Variants in SGPP2 observed in about 807,000 individuals in gnomAD.
SGPP2 encodes the protein sphingosine-1-phosphate phosphatase 2.
SGPP2 carries 30 observed loss-of-function variants against 33.9 expected under a neutral mutation model. That is an observed-to-expected ratio of 0.89 (90% CI 0.66 to 1.20). The LOEUF is 1.20. SGPP2 is among the 50% of genes most tolerant of loss of function. SGPP2 has a pLI of 0.00. For missense variants in SGPP2, 458 were observed against 532.1 expected, an observed-to-expected ratio of 0.86 and a Z score of 1.37; for synonymous variants, 233 against 225.0, an observed-to-expected ratio of 1.04 and a Z score of -0.32.
chr2:222,447,322 G>A (rs1247291780), intron 1 of SGPP2, among the ~76,000 whole-genome samples: 5 of 152,214 alleles, frequency 3.3e-5, no homozygotes. Context: ...AAATGAGGTT[G>A]GGAAAGAAGG....
intron 1 of SGPP2, among the ~76,000 whole-genome samples, chr2:222,459,319 A>G (rs116463064): frequency 0.011 from 1,707 of 150,998 alleles, 40 homozygotes; most frequent in African/African-American, 0.039. Flanking sequence ...GCTAATTTTT[A>G]TATTTTTTGT....
At chr2:222,520,307 A>G (rs1305238698) in intron 2 of SGPP2, among the ~76,000 whole-genome samples, 1 of 152,102 alleles carries the variant, frequency 6.6e-6, no homozygotes, top group Non-Finnish European at 1.5e-5. Context: ...TTCAGTAGAT[A>G]TGAACGCTGG....
rs1697637056 is a variant in SGPP2 at position 222,460,135 on chromosome 2, A to G, written c.220-14433A>G. Among the ~76,000 whole-genome samples, 1 of 152,172 alleles carries G rather than the reference A, an allele frequency of 6.6e-6. No homozygotes were observed. Among genetic ancestry groups the G allele is most frequent in the Non-Finnish European group, 1.5e-5 (1 of 68,046 alleles). On this transcript the variant is annotated intron_variant, in intron 1 of 4. Transcript: ENST00000321276. The surrounding 1 kb of genome is among the most constrained non-coding windows in gnomAD (Gnocchi z 4.3). ...GGGTGGGCATTGCACAGCCTGTGGC[A>G]TTCAGTTGCCATCCACAGAAGAAGG...
At chr2:222,456,714 T>C (rs1429793449) in intron 1 of SGPP2, among the ~76,000 whole-genome samples, 5 of 152,306 alleles carry the variant, frequency 3.3e-5, no homozygotes, top group African/African-American at 9.6e-5. Context: ...GGAGTTAACC[T>C]GGTTGTCAAC....
intron 2 of SGPP2, among the ~76,000 whole-genome samples, chr2:222,490,597 C>G (rs1187787923): frequency 7.6e-6 from 1 of 132,318 alleles, no homozygotes; most frequent in Admixed American, 8.6e-5. Flanking sequence ...GCCAACACAC[C>G]TGGCTAATTT....
At chr2:222,446,164 G>A (rs182312370) in intron 1 of SGPP2, among the ~76,000 whole-genome samples, 20 of 152,298 alleles carry the variant, frequency 1.3e-4, no homozygotes, top group Non-Finnish European at 1.5e-5. Context: ...GTAGCCTGAA[G>A]AGTGTTGATG....
chr2:222,539,813 A>G (rs1434782587), intron 4 of SGPP2, among the ~76,000 whole-genome samples: 1 of 152,218 alleles, frequency 6.6e-6, no homozygotes, highest in African/African-American at 2.4e-5. Flanking sequence ...GGTGGGAGGT[A>G]GAAATGGATA....
rs1187416913 is a variant in SGPP2, at chr2:222,475,981, A to G, written c.378+1255A>G. On this transcript the variant is annotated intron_variant, in intron 2 of 4. Transcript: ENST00000321276. ...CATGTGGAGGACTCTGCAGGTTGCT[A>G]TTTGAGCATGATAACGCATAGTGAC... Among the ~76,000 whole-genome samples, 5 of 152,188 alleles carry G rather than the reference A, an allele frequency of 3.3e-5. No homozygotes were observed. In the East Asian group the frequency reaches 9.6e-4, roughly 29 times the overall value.
intron 4 of SGPP2, among the ~76,000 whole-genome samples, chr2:222,545,106 G>A (rs1418723434): frequency 4.6e-5 from 7 of 152,104 alleles, no homozygotes; most frequent in Non-Finnish European, 1.0e-4. Flanking sequence ...TCCTAGAAGA[G>A]AGGAAAGATT....
chr2:222,435,643 TAAC>T (rs1697228560), intron 1 of SGPP2, among the ~76,000 whole-genome samples: 1 of 152,216 alleles, frequency 6.6e-6, no homozygotes, highest in African/African-American at 2.4e-5. Context: ...TACATAAAGT[TAAC>T]AATACTTAAA....
At chr2:222,438,034 C>A (rs1480383583) in intron 1 of SGPP2, among the ~76,000 whole-genome samples, 1 of 152,158 alleles carries the variant, frequency 6.6e-6, no homozygotes, top group East Asian at 1.9e-4. Context: ...TGTTCTGGAC[C>A]CCACTCAAAA....
At chr2:222,526,067 G>A (rs1698754051) in intron 4 of SGPP2, among the ~76,000 whole-genome samples, 1 of 152,218 alleles carries the variant, frequency 6.6e-6, no homozygotes, top group African/African-American at 2.4e-5. Flanking sequence ...GGAAGGTGCT[G>A]ATAGCAATTG....
At chr2:222,506,093 C>T (rs1402251559) in intron 2 of SGPP2, among the ~76,000 whole-genome samples, 2 of 152,172 alleles carry the variant, frequency 1.3e-5, no homozygotes, top group Non-Finnish European at 2.9e-5. Context: ...CTGCATGCTG[C>T]ACCTACTGTA....
chr2:222,500,612 G>GA (rs1251595483), intron 2 of SGPP2, among the ~76,000 whole-genome samples: 2 of 152,144 alleles, frequency 1.3e-5, no homozygotes, highest in African/African-American at 2.4e-5. Flanking sequence ...TATGTTGTGT[G>GA]AAAAAATGGA....
chr2:222,522,683 ATTTG>A (rs1295267208), intron 3 of SGPP2, among the ~76,000 whole-genome samples: 2 of 151,772 alleles, frequency 1.3e-5, no homozygotes, highest in East Asian at 3.9e-4. Flanking sequence ...TTGTTTGTTT[ATTTG>A]TTTGTTTGAT....
intron 1 of SGPP2, among the ~76,000 whole-genome samples, chr2:222,459,644 A>G (rs1048644031): frequency 2.6e-5 from 4 of 152,106 alleles, no homozygotes; most frequent in Admixed American, 1.3e-4. Flanking sequence ...TGTGTGTCTC[A>G]GAGAGATTGA....
At chr2:222,549,340 G>A (rs548084345) in intron 4 of SGPP2, among the ~76,000 whole-genome samples, 7 of 152,292 alleles carry the variant, frequency 4.6e-5, no homozygotes, top group Non-Finnish European at 8.8e-5. Context: ...GAAATTTGTC[G>A]CAGTAAACTG....
chr2:222,544,149 A>C (rs181276456), intron 4 of SGPP2, among the ~76,000 whole-genome samples: 3 of 152,334 alleles, frequency 2.0e-5, no homozygotes, highest in African/African-American at 7.2e-5. Context: ...CACTATTATT[A>C]TCCCATTTCT....
At chr2:222,445,595 C>G (rs934407481) in intron 1 of SGPP2, among the ~76,000 whole-genome samples, 1 of 152,088 alleles carries the variant, frequency 6.6e-6, no homozygotes, top group Non-Finnish European at 1.5e-5. Context: ...CTAGGATGAC[C>G]CCGTCTAATG....
Sources: gnomAD v4.1 joint callset for allele counts (sites outside exome capture counted in the v4.1 genomes callset) on GRCh38, gnomAD v4.1.1 for gene constraint, Gnocchi (gnomAD v3.1) non-coding constraint, MANE v1.5 for transcripts, NCBI Gene and HGNC (gene_info 2026-07-23, HGNC 2026-07-21) for gene names.